Variants in ZC3H13 observed in about 807,000 individuals in gnomAD.
The protein encoded by ZC3H13 is zinc finger CCCH domain-containing protein 13.
Under a neutral mutation model 204.1 loss-of-function variants are expected in ZC3H13, and 64 were observed. The ratio of observed to expected loss-of-function variants is 0.31; its 90% CI spans 0.26 to 0.39. The LOEUF is 0.39. Ranked by LOEUF, ZC3H13 falls within the 10% of genes least tolerant of loss-of-function variation. ZC3H13 has a pLI of 1.00. For synonymous variants in ZC3H13, 667 were observed against 693.7 expected, an observed-to-expected ratio of 0.96 and a Z score of 0.60; for missense variants, 1,833 against 2,082.7, an observed-to-expected ratio of 0.88 and a Z score of 2.33.
At chr13:45,989,789 G>A (rs929938658) in intron 8 of ZC3H13, among the ~76,000 whole-genome samples, 1 of 90,822 alleles carries the variant, frequency 1.1e-5, no homozygotes, top group South Asian at 3.2e-4. Flanking sequence ...TCATGAAACA[G>A]ATGTGATCAT....
intron 4 of ZC3H13, among the ~76,000 whole-genome samples, chr13:46,036,875 C>T (rs1371176701): frequency 3.3e-5 from 5 of 152,050 alleles, no homozygotes; most frequent in African/African-American, 9.7e-5. Context: ...TGAGCCACCA[C>T]ACCTGGCTAA....
chr13:45,963,712 T>C, intron 17 of ZC3H13, 130 bp downstream of exon 17: 1 of 1,498,088 alleles, frequency 6.7e-7, no homozygotes, highest in South Asian at 1.4e-5. Context: ...AAATAATGAT[T>C]ATAAAATGAT....
At chr13:45,962,028 T>C in intron 17 of ZC3H13, 1 of 329,836 alleles carries the variant, frequency 3.0e-6, no homozygotes, top group Non-Finnish European at 4.3e-6. Context: ...GATTATGTTT[T>C]CTTTCATGTT....
At chr13:45,975,176 GA>G (rs1256584137) in intron 12 of ZC3H13, 106 bp downstream of exon 12, 15 of 1,471,152 alleles carry the variant, frequency 1.0e-5, no homozygotes, top group African/African-American at 4.3e-5. Context: ...AATATACAGA[GA>G]AAAAAAATTA....
intron 7 of ZC3H13, among the ~76,000 whole-genome samples, chr13:46,007,195 A>G (rs2041217548): frequency 6.6e-6 from 1 of 152,110 alleles, no homozygotes; most frequent in Non-Finnish European, 1.5e-5. Flanking sequence ...GGTAAACCAT[A>G]CTATCTACAC....
At position 46,048,580 on chromosome 13, in the gene ZC3H13, C is replaced by CAAAA. The variant is rs56753264; in HGVS notation, c.-9-3068_-9-3065dup. ...TGGGTGACAGAGTGAGACTCCGCCTCAAAAAAAAAAAAAAAAAAAAAAAAA... is the reference window on the plus strand; with the variant it reads ...TGGGTGACAGAGTGAGACTCCGCCTCAAAAAAAAAAAAAAAAAAAAAAAAAAAAA... On this transcript the variant is annotated intron_variant, in intron 1 of 18. Transcript: ENST00000679008. 6.9e-3 allele frequency among the ~76,000 whole-genome samples: 267 copies of CAAAA among 38,432 alleles called. 15 individuals are homozygous for CAAAA. The highest frequency in any genetic ancestry group is 0.05 in the Middle Eastern group (1 of 20). 25.2% of individuals were successfully genotyped at this position (38,432 alleles called of 152,430 possible). A position where few individuals can be genotyped will look rare whatever the true frequency, so the allele number is the denominator to read the frequency against.
At chr13:46,021,636 C>T (rs972575318) in intron 4 of ZC3H13, among the ~76,000 whole-genome samples, 4 of 151,568 alleles carry the variant, frequency 2.6e-5, no homozygotes, top group Non-Finnish European at 5.9e-5. Flanking sequence ...ATATTACTGA[C>T]AAAATTTGGA....
chr13:46,012,546 A>T (rs547311220), intron 5 of ZC3H13, among the ~76,000 whole-genome samples: 9 of 152,334 alleles, frequency 5.9e-5, no homozygotes, highest in Admixed American at 4.6e-4. Context: ...ATATTGCTCA[A>T]ATGCATTAGA....
In ZC3H13 at chr13:45,982,100, G is replaced by C. The variant is rs529888592; in HGVS notation, c.1721-2096C>G. Among the ~76,000 whole-genome samples the C allele has an allele frequency of 2.0e-5, 3 of 150,370 alleles. No homozygotes were observed. The South Asian group carries it at 6.4e-4, about 32-fold the overall frequency. On this transcript the variant is annotated intron_variant, in intron 10 of 18. Transcript: ENST00000679008. Reference sequence around the variant, plus strand: ...CATATGACAAACTAACCCACCCAAAGACAGAATCAAAAGGCACTTCCCCAA... The same window carrying C: ...CATATGACAAACTAACCCACCCAAACACAGAATCAAAAGGCACTTCCCCAA...
At chr13:46,044,884 AT>A (rs2043836280) in intron 3 of ZC3H13, 70 bp downstream of exon 3, 4 of 1,134,848 alleles carry the variant, frequency 3.5e-6, no homozygotes, top group African/African-American at 3.2e-5. Flanking sequence ...TGTATTTCAG[AT>A]TTTTATACTA....
intron 10 of ZC3H13, among the ~76,000 whole-genome samples, chr13:45,984,207 T>C (rs1191554982): frequency 6.6e-6 from 1 of 152,226 alleles, no homozygotes; most frequent in African/African-American, 2.4e-5. Flanking sequence ...TTTTAAAAAT[T>C]AGTTTTGTAA....
intron 4 of ZC3H13, among the ~76,000 whole-genome samples, chr13:46,031,222 A>C (rs1183720110): frequency 2.0e-5 from 3 of 151,864 alleles, no homozygotes; most frequent in Non-Finnish European, 4.4e-5. Context: ...CGGACAACCA[A>C]ATGCAAAAAA....
At chr13:46,003,411 AGCAGC>A in intron 7 of ZC3H13, 75 bp from the exon 8 acceptor site, 1 of 1,391,172 alleles carries the variant, frequency 7.2e-7, no homozygotes, top group Middle Eastern at 1.8e-4. Context: ...TCTTAAAAAC[AGCAGC>A]GTTCCTTTAC....
chr13:45,962,981 A>C (rs1951800157), intron 17 of ZC3H13: 2 of 985,470 alleles, frequency 2.0e-6, no homozygotes, highest in Non-Finnish European at 2.4e-6. Context: ...AATAACTGAA[A>C]ATTGCTGCAG....
chr13:46,003,474 GA>G (rs987693511), intron 7 of ZC3H13, 138 bp from the exon 8 acceptor site: 26 of 674,172 alleles, frequency 3.9e-5, no homozygotes, highest in East Asian at 6.6e-5. Context: ...ATATCAAGAA[GA>G]AAAAAAAACT....
rs1239755294 is a variant in ZC3H13, at chr13:45,969,368, T to C, written c.3176A>G (p.Lys1059Arg). Residue 1059 changes from lysine (K) to arginine (R), a missense_variant, in exon 14 of 19, where the codon AAA (lysine) becomes AGA (arginine). Lys to Arg is a conservative substitution (Grantham distance 26). This residue lies in a region of ZC3H13 where 1,574 missense variants were observed against 1,757.2 expected (regional missense o/e 0.90). Transcript: ENST00000679008. Reference sequence around the variant, plus strand: ...CCAGTCACTGAATGCTGTATCTTCTTTTTTCTGGGAGTCCTCTAGAATACC... The same window carrying C: ...CCAGTCACTGAATGCTGTATCTTCTCTTTTCTGGGAGTCCTCTAGAATACC... ...KNGILEDSQK[K>R]EDTAFSDWSD... is the part of the protein sequence containing the mutation. The C allele has an allele frequency of 1.9e-6, 3 of 1,613,924 alleles. No individual in the cohort carries two copies. The highest frequency in any genetic ancestry group is 2.5e-6 in the Non-Finnish European group (3 of 1,180,014).
At chr13:46,032,166 C>A (rs2139000302) in intron 4 of ZC3H13, among the ~76,000 whole-genome samples, 1 of 152,270 alleles carries the variant, frequency 6.6e-6, no homozygotes, top group East Asian at 1.9e-4. Flanking sequence ...GGTGCAAGTC[C>A]TGCATATGCT....
At position 45,968,755 on chromosome 13, in the gene ZC3H13, A is replaced by G; in HGVS notation, c.3789T>C (p.Thr1263=). 1 of 1,583,348 alleles carries G rather than the reference A, an allele frequency of 6.3e-7. No individual in the cohort carries two copies. The highest frequency in any genetic ancestry group is 1.2e-5 in the South Asian group (1 of 85,760). Residue 1263 remains threonine (T), a synonymous_variant, in exon 14 of 19, where the codon ACT becomes ACC. Coordinates refer to ENST00000679008, the MANE Select transcript of ZC3H13 (RefSeq NM_001330564.2). ...ACAATTCAATTTTATTACCTGAAGA[A>G]GTACTTCGACTGGGTTCTCCACGCT... is the stretch of plus-strand genomic sequence containing the variant. The part of the protein sequence containing the change: ...QLKRGEPSRS[T]SSDRQDSRSH...
rs1048245006 is a variant in ZC3H13, at chr13:45,975,466, C to T, written c.2285G>A (p.Arg762Gln). Reference sequence around the variant, plus strand: ...TCGCTCTCGCTCTCTCTCCCGTTCTCGCTCTCTCTCCCTCTCTCTCTCTTC... The same window carrying T: ...TCGCTCTCGCTCTCTCTCCCGTTCTTGCTCTCTCTCCCTCTCTCTCTCTTC... The part of the protein sequence containing the change: ...EREERERERE[R>Q]ERERERERER... The change falls in exon 12 of 19, where the codon CGA becomes CAA. Residue 762 changes from arginine to glutamine, a missense_variant. Arg to Gln is a conservative substitution (Grantham distance 43). Around this residue, in one of 5 missense-constraint regions of ZC3H13, gnomAD observed 1,574 missense variants for 1,757.2 expected, o/e 0.90. Transcript: ENST00000679008. The T allele has an allele frequency of 3.1e-6, 5 of 1,613,514 alleles. No homozygotes were observed. Among genetic ancestry groups the T allele is most frequent in the East Asian group, 2.2e-5 (1 of 44,852 alleles).
Sources: gnomAD v4.1 joint callset for allele counts (sites outside exome capture counted in the v4.1 genomes callset) on GRCh38, gnomAD v4.1.1 for gene constraint, gnomAD v4.1.1 regional missense constraint, MANE v1.5 for transcripts, NCBI Gene and HGNC (gene_info 2026-07-23, HGNC 2026-07-21) for gene names.